The following SPAG1 variants were observed in gnomAD, a reference collection of about 807,000 sequenced individuals.
SPAG1 encodes the protein sperm associated antigen 1.
In SPAG1, 69 loss-of-function variants were observed where a neutral mutation model predicts 100.5. The ratio of observed to expected loss-of-function variants is 0.69; its 90% CI spans 0.57 to 0.84. The LOEUF (loss-of-function observed/expected upper bound fraction) is 0.84. Among genes scored for constraint, SPAG1 ranks in the 40% least tolerant of loss-of-function variants. SPAG1 has a pLI of 0.00. For synonymous variants in SPAG1, 336 were observed against 411.6 expected, an observed-to-expected ratio of 0.82 and a Z score of 2.22; for missense variants, 955 against 1,133.1, an observed-to-expected ratio of 0.84 and a Z score of 2.26.
intron 10 of SPAG1, among the ~76,000 whole-genome samples, chr8:100,211,206 T>G (rs1003058511): frequency 5.9e-5 from 9 of 152,080 alleles, no homozygotes; most frequent in Non-Finnish European, 1.3e-4. Flanking sequence ...AGAGCCACCC[T>G]CTGAACAGCT....
At position 100,213,395 on chromosome 8, in the gene SPAG1, T is replaced by A; in HGVS notation, c.1402T>A (p.Tyr468Asn). 2 of 1,447,312 alleles carry A rather than the reference T, an allele frequency of 1.4e-6. No homozygotes were observed. Among genetic ancestry groups the A allele is most frequent in the Non-Finnish European group, 1.8e-6 (2 of 1,098,910 alleles). The allele number at this position is 1,447,312 out of a possible 1,614,324, so 89.7% of individuals were successfully genotyped here. The change falls in exon 11 of 19, where the codon TAC (tyrosine) becomes AAC (asparagine). Residue 468 changes from tyrosine (Y) to asparagine (N), a missense_variant. Transcript: ENST00000388798. ...SGQFAEAAGKYSAAIALLEPA... is the reference protein window; with the variant it reads ...SGQFAEAAGKNSAAIALLEPA... The stretch of plus-strand genomic sequence containing the variant: ...GCAGTTCGCCGAGGCGGCCGGCAAG[T>A]ACTCGGCGGCAATCGCGCTCCTGGA...
At chr8:100,178,068 C>T (rs1816207030) in intron 4 of SPAG1, 127 bp downstream of exon 4, 1 of 644,184 alleles carries the variant, frequency 1.6e-6, no homozygotes, top group African/African-American at 1.8e-5. Flanking sequence ...GGAGTTTGTT[C>T]AGCTGGCTGG....
chr8:100,240,565 G>A lies in SPAG1; in HGVS notation c.2443G>A (p.Ala815Thr). ...NAYEFGQIINALSTRKDKEAC... is the reference protein window; with the variant it reads ...NAYEFGQIINTLSTRKDKEAC... ...CTATGAATTTGGTCAGATTATAAAT[G>A]CTCTCAGTACCAGGAAGGATAAAGA... Residue 815 changes from alanine (A) to threonine (T), a missense_variant, in exon 18 of 19, where the codon GCT becomes ACT. Coordinates refer to ENST00000388798, the MANE Select transcript of SPAG1 (RefSeq NM_003114.5). The A allele has an allele frequency of 1.2e-6, 2 of 1,614,070 alleles. No individual in the cohort carries two copies. The highest frequency in any genetic ancestry group is 1.7e-6 in the Non-Finnish European group (2 of 1,179,996).
At chr8:100,229,130 G>A (rs576017498) in intron 14 of SPAG1, among the ~76,000 whole-genome samples, 3 of 152,210 alleles carry the variant, frequency 2.0e-5, no homozygotes, top group South Asian at 2.1e-4. Context: ...GAAGTAGGCC[G>A]GGCGTGGTGG....
chr8:100,158,915 A>G (rs374006564), intron 1 of SPAG1: 2 of 151,470 alleles, frequency 1.3e-5, no homozygotes, highest in Non-Finnish European at 2.9e-5. Flanking sequence ...GTTCAGTTAT[A>G]GATCCACCTC....
intron 10 of SPAG1, among the ~76,000 whole-genome samples, chr8:100,201,011 T>C (rs185143867): frequency 1.3e-5 from 2 of 152,164 alleles, no homozygotes; most frequent in African/African-American, 4.8e-5. Context: ...TTTCAGATTT[T>C]TTTTCTTTTG....
rs1004492870 is a variant in SPAG1 at position 100,231,251 on chromosome 8, A to C, written c.1951A>C (p.Lys651Gln). 6 of 1,602,272 alleles carry C rather than the reference A, an allele frequency of 3.7e-6. No individual in the cohort carries two copies. In the Admixed American group the frequency reaches 1.0e-4, roughly 27 times the overall value. Residue 651 changes from lysine (K) to glutamine (Q), a missense_variant, in exon 15 of 19, where the codon AAG (lysine) becomes CAG (glutamine). Physicochemically the swap from Lys to Gln is moderately conservative, Grantham distance 53. Transcript: ENST00000388798. ...CCTCAGTAAATACAGCGAATGCTTA[A>C]AGATTAACAATAAGGAATGTGCCAT... is the stretch of plus-strand genomic sequence containing the variant. ...DALSKYSECL[K>Q]INNKECAIYT... is the part of the protein sequence containing the mutation.
Position 100,233,511 on chromosome 8 carries a change from C to T in SPAG1, c.2089C>T (p.Arg697Ter), listed in dbSNP as rs1434601711. ...ADGNVKAFYR[R>*]ALAHKGLKNY... ...TGGGAACGTGAAAGCCTTCTATAGA[C>T]GAGCTCTGGCTCATAAAGGACTCAA... The change falls in exon 16 of 19, where the codon CGA (arginine) becomes TGA (stop). Residue 697 changes from arginine to a stop codon, truncating the protein, a stop_gained. Coordinates refer to ENST00000388798, the MANE Select transcript of SPAG1 (RefSeq NM_003114.5). LOFTEE classifies it high-confidence loss of function. 7 of 1,610,136 alleles carry T rather than the reference C, an allele frequency of 4.3e-6. No homozygotes were observed. The highest frequency in any genetic ancestry group is 2.2e-5 in the East Asian group (1 of 44,844).
intron 3 of SPAG1, among the ~76,000 whole-genome samples, chr8:100,167,179 A>G (rs1216280106): frequency 1.3e-5 from 2 of 151,976 alleles, no homozygotes; most frequent in African/African-American, 4.8e-5. Context: ...AAACAAACAA[A>G]CAAAATGCCC....
intron 10 of SPAG1, among the ~76,000 whole-genome samples, chr8:100,199,448 T>TTTG (rs1001420524): frequency 3.9e-5 from 6 of 152,316 alleles, no homozygotes; most frequent in East Asian, 3.9e-4. Context: ...TTGCCTTTTT[T>TTTG]TTGTTGTTGT....
At chr8:100,212,629 C>G (rs1020530550) in intron 10 of SPAG1, among the ~76,000 whole-genome samples, 3 of 152,174 alleles carry the variant, frequency 2.0e-5, no homozygotes, top group African/African-American at 7.2e-5. Context: ...ATCACTTACG[C>G]TTTATTTTTC....
intron 11 of SPAG1, 64 bp downstream of exon 11, chr8:100,213,492 GC>G: frequency 7.9e-7 from 1 of 1,260,412 alleles, no homozygotes. Flanking sequence ...GACCTCCGGG[GC>G]CCCCGTGGGA....
At chr8:100,231,365 A>G in intron 15 of SPAG1, 77 bp downstream of exon 15, 1 of 1,080,190 alleles carries the variant, frequency 9.3e-7, no homozygotes, top group South Asian at 2.0e-5. Context: ...TATTTTATTA[A>G]CACAATTAAG....
rs1028614098 is a variant in SPAG1, at chr8:100,175,594, T to C, written c.301-2222T>C. 2.6e-5 allele frequency among the ~76,000 whole-genome samples: 4 copies of C among 152,170 alleles called. No homozygotes were observed. In the East Asian group the frequency reaches 7.7e-4, roughly 29 times the overall value. On this transcript the variant is annotated intron_variant, in intron 3 of 18. Transcript: ENST00000388798. ...GCCACCGCACCCAGCTAGCACGCAG[T>C]AAAGTTCTTAAAGATCTTTGTGACC... is the stretch of plus-strand genomic sequence containing the variant.
chr8:100,162,487 A>G, intron 2 of SPAG1, 67 bp downstream of exon 2: 2 of 1,267,124 alleles, frequency 1.6e-6, no homozygotes, highest in Admixed American at 2.8e-5. Context: ...TTACCTTCTA[A>G]AGGTAAAAGC....
intron 10 of SPAG1, 52 bp from the exon 11 acceptor site, chr8:100,213,038 C>CCTCCGCGGCCTCCGCGGA: frequency 7.4e-7 from 1 of 1,356,824 alleles, no homozygotes; most frequent in African/African-American, 1.5e-5. Context: ...GCCTCCGCGG[C>CCTCCGCGGCCTCCGCGGA]AACTGCTCCC....
At chr8:100,220,610 T>C (rs1818227962) in intron 13 of SPAG1, among the ~76,000 whole-genome samples, 179 bp downstream of exon 13, 1 of 152,228 alleles carries the variant, frequency 6.6e-6, no homozygotes, top group Non-Finnish European at 1.5e-5. Flanking sequence ...TTTCTGACTC[T>C]CCCTTAATTA....
At chr8:100,213,002 C>A in intron 10 of SPAG1, 88 bp from the exon 11 acceptor site, 2 of 1,132,848 alleles carry the variant, frequency 1.8e-6, no homozygotes, top group Non-Finnish European at 2.3e-6. Context: ...CCGCCCTCCG[C>A]GTCCTGCACC....
intron 10 of SPAG1, among the ~76,000 whole-genome samples, chr8:100,196,154 T>C (rs566056373): frequency 6.6e-6 from 1 of 152,218 alleles, no homozygotes; most frequent in African/African-American, 2.4e-5. Flanking sequence ...CAGTATTCAC[T>C]AATCATGAGT....
Sources: gnomAD v4.1 joint callset for allele counts (sites outside exome capture counted in the v4.1 genomes callset) on GRCh38, gnomAD v4.1.1 for gene constraint, MANE v1.5 for transcripts, NCBI Gene and HGNC (gene_info 2026-07-23, HGNC 2026-07-21) for gene names.